SRRM4: variants seen among roughly 807,000 people sequenced by gnomAD.
SRRM4 encodes the protein serine/arginine repetitive matrix protein 4.
Under a neutral mutation model 68.9 loss-of-function variants are expected in SRRM4, and 33 were observed. The ratio of observed to expected loss-of-function variants is 0.48; its 90% CI spans 0.36 to 0.64. SRRM4 has a LOEUF of 0.64. Ranked by LOEUF, SRRM4 falls within the 30% of genes least tolerant of loss-of-function variation. The pLI, the probability that SRRM4 is intolerant of heterozygous loss-of-function variation, is 0.00. For missense variants in SRRM4, 817 were observed against 827.1 expected (o/e 0.99, Z 0.15); for synonymous variants, 318 against 318.8 (o/e 1.00, Z 0.03).
intron 1 of SRRM4, 113 bp downstream of exon 1, chr12:118,982,126 C>A (rs1477944165): frequency 7.6e-7 from 1 of 1,323,178 alleles, no homozygotes; most frequent in Non-Finnish European, 1.0e-6. Context: ...TGTCTTTTCC[C>A]GTCACTACTC....
At chr12:119,078,828 G>A (rs1375909038) in intron 1 of SRRM4, among the ~76,000 whole-genome samples, 5 of 152,212 alleles carry the variant, frequency 3.3e-5, no homozygotes, top group African/African-American at 1.2e-4. Context: ...TACTCTGGAG[G>A]CTGAGGCAGG....
chr12:119,096,928 G>C (rs1206973699), intron 1 of SRRM4, among the ~76,000 whole-genome samples: 2 of 152,088 alleles, frequency 1.3e-5, no homozygotes, highest in Admixed American at 6.6e-5. Context: ...GACTCTTATC[G>C]GAGCCTTGGA....
At chr12:118,996,513 T>G (rs1226667829) in intron 1 of SRRM4, among the ~76,000 whole-genome samples, 1 of 152,224 alleles carries the variant, frequency 6.6e-6, no homozygotes, top group Non-Finnish European at 1.5e-5. Flanking sequence ...GAGTTAATAG[T>G]ATCAAAAAGA....
At chr12:119,103,244 T>G (rs1045020216) in intron 2 of SRRM4, among the ~76,000 whole-genome samples, 1 of 152,198 alleles carries the variant, frequency 6.6e-6, no homozygotes, top group African/African-American at 2.4e-5. Flanking sequence ...TTTTTAATTT[T>G]TATTTCATTA....
At position 119,116,686 on chromosome 12, in the gene SRRM4, A is replaced by T. The variant is rs138857347; in HGVS notation, c.366-251A>T. On this transcript the variant is annotated intron_variant, in intron 3 of 12. Coordinates refer to ENST00000267260, the MANE Select transcript of SRRM4 (RefSeq NM_194286.4). ...GTGTGTGAAAGGATTGAATGAGATAATGCTTACAAAACACAAGGTAATGGT... is the reference window on the plus strand; with the variant it reads ...GTGTGTGAAAGGATTGAATGAGATATTGCTTACAAAACACAAGGTAATGGT... Among the ~76,000 whole-genome samples, 11 of 152,342 alleles carry T rather than the reference A, an allele frequency of 7.2e-5. No homozygotes were observed. In the East Asian group the frequency reaches 2.1e-3, roughly 29 times the overall value.
At chr12:118,991,578 C>G (rs1448595338) in intron 1 of SRRM4, 3 of 152,248 alleles carry the variant, frequency 2.0e-5, no homozygotes, top group African/African-American at 7.2e-5. Context: ...TCTCTTCCCC[C>G]AGATACGCAG....
intron 1 of SRRM4, among the ~76,000 whole-genome samples, chr12:118,989,446 C>T (rs1009079692): frequency 6.6e-6 from 1 of 152,118 alleles, no homozygotes; most frequent in African/African-American, 2.4e-5. Flanking sequence ...CTATCCCTTG[C>T]ACCCAGTAGC....
chr12:119,129,840 GATGGATGA>G (rs1195828089), intron 7 of SRRM4, among the ~76,000 whole-genome samples: 15 of 152,176 alleles, frequency 9.9e-5, no homozygotes, highest in Admixed American at 9.2e-4. Context: ...TGAATGGTTA[GATGGATGA>G]ATGGATGAAT....
intron 1 of SRRM4, among the ~76,000 whole-genome samples, chr12:119,082,454 AAGG>A (rs1341322016): frequency 8.5e-5 from 13 of 152,210 alleles, no homozygotes; most frequent in Admixed American, 8.5e-4. Context: ...CTCTAGCGAG[AAGG>A]AGAATGTGCT....
chr12:119,068,236 T>C (rs1346616050), intron 1 of SRRM4, among the ~76,000 whole-genome samples: 2 of 152,214 alleles, frequency 1.3e-5, no homozygotes, highest in African/African-American at 2.4e-5. Context: ...GCCTGTGTCA[T>C]AGCTGTTGTG....
At chr12:118,987,799 A>C (rs1953291657) in intron 1 of SRRM4, among the ~76,000 whole-genome samples, 1 of 152,244 alleles carries the variant, frequency 6.6e-6, no homozygotes, top group Non-Finnish European at 1.5e-5. Flanking sequence ...GGGGAGAAAA[A>C]AGTTGAATGT....
intron 1 of SRRM4, among the ~76,000 whole-genome samples, chr12:119,072,598 A>T (rs1260378943): frequency 6.7e-6 from 1 of 148,334 alleles, no homozygotes. Flanking sequence ...TAATCAGTCC[A>T]TTACGCAGGG....
intron 1 of SRRM4, chr12:119,031,026 A>C (rs543162570): frequency 6.6e-6 from 1 of 152,318 alleles, no homozygotes; most frequent in South Asian, 2.1e-4. Context: ...CTGGGTAATA[A>C]GTTTCCAGAA....
intron 8 of SRRM4, among the ~76,000 whole-genome samples, chr12:119,134,179 G>A (rs1014755514): frequency 3.9e-5 from 6 of 152,150 alleles, no homozygotes; most frequent in Admixed American, 6.5e-5. Context: ...ATATCAAGGG[G>A]CTTATTTACA....
chr12:119,016,487 AT>A (rs1204202418), intron 1 of SRRM4, among the ~76,000 whole-genome samples: 1 of 151,876 alleles, frequency 6.6e-6, no homozygotes, highest in African/African-American at 2.4e-5. Context: ...AAAAGAAAAA[AT>A]AGACTGCTGC....
chr12:119,097,470 CA>C (rs1954052888), intron 1 of SRRM4, among the ~76,000 whole-genome samples: 1 of 152,262 alleles, frequency 6.6e-6, no homozygotes, highest in African/African-American at 2.4e-5. Flanking sequence ...CAGGAAGCTA[CA>C]CGACGGTTTC....
intron 7 of SRRM4, among the ~76,000 whole-genome samples, chr12:119,130,408 C>CGG (rs1565915557): frequency 0.011 from 696 of 62,214 alleles, 9 homozygotes; most frequent in African/African-American, 0.032. Context: ...GTTGCTTAGA[C>CGG]AGATGGATGG....
At position 118,981,764 on chromosome 12, in the gene SRRM4, C is replaced by A; in HGVS notation, c.-119C>A. ...CGCCCTGAACTCCGATCTCTCCCAC[C>A]CCACCCCTCTCTGGGTTTCACCCGG... On this transcript the variant is annotated 5_prime_UTR_variant, in exon 1 of 13. Coordinates refer to ENST00000267260, the MANE Select transcript of SRRM4 (RefSeq NM_194286.4). 2 of 1,214,356 alleles carry A rather than the reference C, an allele frequency of 1.6e-6. No individual in the cohort carries two copies. Among genetic ancestry groups the A allele is most frequent in the Non-Finnish European group, 2.3e-6 (2 of 883,076 alleles). 75.2% of individuals were successfully genotyped at this position (1,214,356 alleles called of 1,614,324 possible).
chr12:119,142,123 T>C (rs1264779712), intron 8 of SRRM4, among the ~76,000 whole-genome samples: 1 of 152,060 alleles, frequency 6.6e-6, no homozygotes, highest in Non-Finnish European at 1.5e-5. Flanking sequence ...CAGGGTGGGA[T>C]GGTGTGGAAG....
Sources: gnomAD v4.1 joint callset for allele counts (sites outside exome capture counted in the v4.1 genomes callset) on GRCh38, gnomAD v4.1.1 for gene constraint, MANE v1.5 for transcripts, NCBI Gene and HGNC (gene_info 2026-07-23, HGNC 2026-07-21) for gene names.